Variants in ZBTB16 observed in about 807,000 individuals in gnomAD.
The protein encoded by ZBTB16 is zinc finger and BTB domain-containing protein 16.
Under a neutral mutation model 56.8 loss-of-function variants are expected in ZBTB16, and 8 were observed. The observed-to-expected ratio is 0.14, with a 90% CI of 0.08 to 0.25. The LOEUF is 0.25. Among genes scored for constraint, ZBTB16 ranks in the 10% least tolerant of loss-of-function variants. ZBTB16 has a pLI of 1.00. For missense variants in ZBTB16, 625 were observed against 903.0 expected (o/e 0.69, Z 3.95); for synonymous variants, 363 against 368.5 (o/e 0.98, Z 0.17).
chr11:114,220,274 A>T (rs553071810), intron 4 of ZBTB16, among the ~76,000 whole-genome samples: 3 of 152,302 alleles, frequency 2.0e-5, no homozygotes, highest in East Asian at 3.9e-4. Context: ...GCTATTCTCT[A>T]ATGACATAGC....
chr11:114,066,349 G>T (rs573284482), intron 2 of ZBTB16, among the ~76,000 whole-genome samples: 91 of 152,312 alleles, frequency 6.0e-4, no homozygotes, highest in African/African-American at 2.1e-3. Context: ...CCACTAAGGT[G>T]TGTCTTCTTG....
At chr11:114,091,947 C>A (rs891955070) in intron 2 of ZBTB16, among the ~76,000 whole-genome samples, 14 of 152,208 alleles carry the variant, frequency 9.2e-5, no homozygotes, top group African/African-American at 3.4e-4. Flanking sequence ...TGCGCCCCTT[C>A]TCACTGACAC....
In ZBTB16 at chr11:114,232,457, G is replaced by A. The variant is rs534307761; in HGVS notation, c.1454-9710G>A. 2.6e-5 allele frequency among the ~76,000 whole-genome samples: 4 copies of A among 152,256 alleles called. No individual in the cohort carries two copies. The South Asian group carries it at 8.3e-4, about 32-fold the overall frequency. ...CTTGGGAGAAGTTGTTGAGCACGGGGCCCTCAAGTCGGCACCCTGCCTACT... is the reference window on the plus strand; with the variant it reads ...CTTGGGAGAAGTTGTTGAGCACGGGACCCTCAAGTCGGCACCCTGCCTACT... On this transcript the variant is annotated intron_variant, in intron 4 of 6. Coordinates refer to ENST00000335953, the MANE Select transcript of ZBTB16 (RefSeq NM_006006.6).
chr11:114,122,208 G>A (rs913298336), intron 2 of ZBTB16, among the ~76,000 whole-genome samples: 10 of 152,172 alleles, frequency 6.6e-5, no homozygotes, highest in Non-Finnish European at 1.5e-4. Context: ...ATCTGTAATA[G>A]ATCTATGGCT....
chr11:114,064,209 C>T lies in ZBTB16; in HGVS notation c.909C>T (p.Ala303=), dbSNP rs778092000. ...RELHYGREES[A]EQVPPPAEAG... is the part of the protein sequence containing the mutation. ...TACACTATGGGCGAGAGGAGAGTGC[C>T]GAGCAGGTGCCACCCCCAGCTGAGG... The change falls in exon 2 of 7, where the codon GCC becomes GCT. Residue 303 remains alanine, a synonymous_variant. Transcript: ENST00000335953. This position sits in a 1 kb window ranked among gnomAD's most constrained non-coding sequence, Gnocchi z 4.2. 8.7e-6 allele frequency: 14 copies of T among 1,613,820 alleles called. No homozygotes were observed. The highest frequency in any genetic ancestry group is 4.5e-5 in the East Asian group (2 of 44,880).
intron 4 of ZBTB16, among the ~76,000 whole-genome samples, chr11:114,192,722 T>G (rs990809362): frequency 3.3e-5 from 5 of 152,060 alleles, no homozygotes; most frequent in African/African-American, 9.6e-5. Context: ...GTTCCAGAGG[T>G]GGTTGTCATG....
chr11:114,082,126 A>AAAC (rs1157498727), intron 2 of ZBTB16, among the ~76,000 whole-genome samples: 10 of 151,486 alleles, frequency 6.6e-5, no homozygotes, highest in Admixed American at 2.6e-4. Flanking sequence ...CAAAAAAAAA[A>AAAC]AAAAAATTAA....
At chr11:114,165,036 T>C (rs1942706055) in intron 3 of ZBTB16, among the ~76,000 whole-genome samples, 2 of 152,142 alleles carry the variant, frequency 1.3e-5, no homozygotes, top group African/African-American at 4.8e-5. Flanking sequence ...TCTCTGTCTC[T>C]CTCTTTCTCT....
intron 4 of ZBTB16, among the ~76,000 whole-genome samples, chr11:114,190,478 C>T (rs1184362449): frequency 6.6e-6 from 1 of 152,114 alleles, no homozygotes; most frequent in East Asian, 1.9e-4. Context: ...TTGAAGATCT[C>T]ATGGAATTTA....
chr11:114,147,246 C>A (rs1942132339), intron 2 of ZBTB16, among the ~76,000 whole-genome samples: 1 of 152,198 alleles, frequency 6.6e-6, no homozygotes, highest in Non-Finnish European at 1.5e-5. Context: ...GTTTCCATGG[C>A]TGGTCCATGG....
rs1565674765 is a variant in ZBTB16, at chr11:114,186,957, G to T, written c.1372G>T (p.Ala458Ser). ...CTGCCTCTCCTTTCTTTCAGCGGGT[G>T]CCAAAGCCTTTGTCTGTGATCAGTG... is the stretch of plus-strand genomic sequence containing the variant. ...RMHLLAHSAG[A>S]KAFVCDQCGA... The change falls in exon 4 of 7, where the codon GCC (alanine) becomes TCC (serine). Residue 458 changes from alanine to serine, a missense_variant. This residue lies in a region of ZBTB16 where 140 missense variants were observed against 214.8 expected (regional missense o/e 0.65). Transcript: ENST00000335953. 1 of 1,613,992 alleles carries T rather than the reference G, an allele frequency of 6.2e-7. No individual in the cohort carries two copies. The highest frequency in any genetic ancestry group is 8.5e-7 in the Non-Finnish European group (1 of 1,179,990).
intron 4 of ZBTB16, among the ~76,000 whole-genome samples, chr11:114,204,154 C>CT (rs745498133): frequency 0.07 from 10,094 of 143,726 alleles, 377 homozygotes; most frequent in African/African-American, 0.083. Flanking sequence ...GTCCCACTAT[C>CT]TTTTTTTTTT....
chr11:114,096,422 G>C (rs238934), intron 2 of ZBTB16, among the ~76,000 whole-genome samples: 88,813 of 152,108 alleles, frequency 0.58, 29,998 homozygotes, highest in Non-Finnish European at 0.76. Context: ...TGAGAGATGG[G>C]AGAATAGACC....
At chr11:114,133,754 C>T (rs374427981) in intron 2 of ZBTB16, among the ~76,000 whole-genome samples, 52 of 152,222 alleles carry the variant, frequency 3.4e-4, no homozygotes, top group Admixed American at 2.1e-3. Context: ...CCCTGGTGGC[C>T]CAAGGGCATT....
intron 3 of ZBTB16, among the ~76,000 whole-genome samples, chr11:114,171,244 C>T (rs1179852580): frequency 6.6e-6 from 1 of 152,230 alleles, no homozygotes; most frequent in African/African-American, 2.4e-5. Flanking sequence ...TCTGTCCTGT[C>T]CGAGCAAAGC....
At chr11:114,081,527 G>C (rs1027663384) in intron 2 of ZBTB16, among the ~76,000 whole-genome samples, 4 of 152,182 alleles carry the variant, frequency 2.6e-5, no homozygotes, top group African/African-American at 9.6e-5. Flanking sequence ...AGCACTTACT[G>C]TCTGCTGGGC....
intron 4 of ZBTB16, among the ~76,000 whole-genome samples, chr11:114,212,154 G>A (rs199716095): frequency 6.6e-6 from 1 of 152,014 alleles, no homozygotes; most frequent in African/African-American, 2.4e-5. Context: ...GGATGGGGAG[G>A]GGGGAGTGTC....
At chr11:114,091,002 G>A (rs1940163670) in intron 2 of ZBTB16, among the ~76,000 whole-genome samples, 1 of 152,180 alleles carries the variant, frequency 6.6e-6, no homozygotes. Context: ...TGTGTGTAGT[G>A]GGATGGTTAA....
intron 3 of ZBTB16, among the ~76,000 whole-genome samples, chr11:114,174,312 G>GTTTTTTTTTTT (rs11417322): frequency 6.9e-6 from 1 of 145,882 alleles, no homozygotes. Context: ...TCTGACTGAG[G>GTTTTTTTTTTT]TTTTTTTTTT....
Sources: gnomAD v4.1 joint callset for allele counts (sites outside exome capture counted in the v4.1 genomes callset) on GRCh38, gnomAD v4.1.1 for gene constraint, gnomAD v4.1.1 regional missense constraint, Gnocchi (gnomAD v3.1) non-coding constraint, MANE v1.5 for transcripts, NCBI Gene and HGNC (gene_info 2026-07-23, HGNC 2026-07-21) for gene names.